Variants in AGBL4 observed in about 807,000 individuals in gnomAD.
AGBL4 encodes the protein AGBL carboxypeptidase 4, also known as cytosolic carboxypeptidase 6.
In AGBL4, 58 loss-of-function variants were observed where a neutral mutation model predicts 66.4. The observed-to-expected ratio is 0.87, with a 90% CI of 0.71 to 1.09. The LOEUF (loss-of-function observed/expected upper bound fraction) is 1.09. AGBL4 is among the 50% of genes least tolerant of loss of function. The pLI is 0.00. For synonymous variants in AGBL4, 234 were observed against 222.9 expected (o/e 1.05, Z -0.44); for missense variants, 579 against 631.0 (o/e 0.92, Z 0.88).
At chr1:49,482,739 C>T (rs534112252) in intron 3 of AGBL4, among the ~76,000 whole-genome samples, 1 of 151,952 alleles carries the variant, frequency 6.6e-6, no homozygotes, top group East Asian at 1.9e-4. Context: ...ATCTTCCTAG[C>T]TTTTTGATGT....
chr1:49,198,302 G>A, intron 4 of AGBL4, among the ~76,000 whole-genome samples: 1 of 151,874 alleles, frequency 6.6e-6, no homozygotes, highest in East Asian at 1.9e-4. Flanking sequence ...TTATTTCTTG[G>A]ATAAAAGTTC....
intron 5 of AGBL4, among the ~76,000 whole-genome samples, chr1:48,875,657 G>A (rs1002416850): frequency 1.3e-5 from 2 of 152,130 alleles, no homozygotes; most frequent in Admixed American, 6.6e-5. Context: ...TCTGGCGGCC[G>A]GCACAAAAGC....
At chr1:48,964,649 C>T (rs1658274120) in intron 5 of AGBL4, among the ~76,000 whole-genome samples, 1 of 152,108 alleles carries the variant, frequency 6.6e-6, no homozygotes, top group Non-Finnish European at 1.5e-5. Context: ...TAGAAAGCAG[C>T]AGAGTTTATC....
the AGBL4 span, among the ~76,000 whole-genome samples, chr1:48,523,152 G>C: frequency 1.3e-5 from 2 of 152,084 alleles, no homozygotes; most frequent in African/African-American, 4.8e-5. Context: ...GAGAGGGAGA[G>C]TGACTTTTCT....
At chr1:48,601,519 T>C (rs1349046100) in intron 9 of AGBL4, among the ~76,000 whole-genome samples, 1 of 152,224 alleles carries the variant, frequency 6.6e-6, no homozygotes, top group South Asian at 2.1e-4. Flanking sequence ...GCGAGTACTA[T>C]GGTAGCATAG....
At chr1:49,401,058 A>G (rs1466219269) in intron 3 of AGBL4, among the ~76,000 whole-genome samples, 1 of 152,142 alleles carries the variant, frequency 6.6e-6, no homozygotes, top group Non-Finnish European at 1.5e-5. Context: ...TCAGCATTGT[A>G]TTAGTCCATC....
chr1:48,714,317 C>T (rs941025478), intron 6 of AGBL4, among the ~76,000 whole-genome samples: 1 of 152,184 alleles, frequency 6.6e-6, no homozygotes, highest in Non-Finnish European at 1.5e-5. Flanking sequence ...AGTGCCACCC[C>T]AGGGAGGACA....
intron 6 of AGBL4, among the ~76,000 whole-genome samples, chr1:48,711,389 A>G (rs1330871010): frequency 6.6e-6 from 1 of 152,026 alleles, no homozygotes; most frequent in Non-Finnish European, 1.5e-5. Flanking sequence ...CATCTGTGTG[A>G]GTTTGTGGGT....
At chr1:49,414,276 T>G (rs1645380296) in intron 3 of AGBL4, among the ~76,000 whole-genome samples, 1 of 152,174 alleles carries the variant, frequency 6.6e-6, no homozygotes, top group Non-Finnish European at 1.5e-5. Flanking sequence ...TTACCAATTT[T>G]ATGGGTTGGT....
intron 5 of AGBL4, among the ~76,000 whole-genome samples, chr1:48,958,110 G>A (rs906309691): frequency 3.3e-5 from 5 of 151,880 alleles, no homozygotes; most frequent in South Asian, 2.1e-4. Flanking sequence ...CGCCTGCCTC[G>A]GCCTCCCAAA....
intron 3 of AGBL4, among the ~76,000 whole-genome samples, chr1:49,401,718 C>T (rs1007670235): frequency 7.2e-5 from 11 of 151,780 alleles, no homozygotes; most frequent in Non-Finnish European, 1.6e-4. Context: ...GGAATTATTC[C>T]CTCCTCTATT....
chr1:48,951,146 C>T (rs1348786054), intron 5 of AGBL4, among the ~76,000 whole-genome samples: 5 of 152,150 alleles, frequency 3.3e-5, no homozygotes, highest in Admixed American at 2.6e-4. Context: ...AGACTCAGCT[C>T]TCTTATATCT....
intron 4 of AGBL4, among the ~76,000 whole-genome samples, chr1:49,241,648 A>G (rs1651245910): frequency 6.6e-6 from 1 of 152,036 alleles, no homozygotes; most frequent in Non-Finnish European, 1.5e-5. Flanking sequence ...AATGCCTTGC[A>G]TAGTTCCTGG....
At chr1:49,931,795 C>A (rs1431555240) in intron 1 of AGBL4, among the ~76,000 whole-genome samples, 1 of 152,064 alleles carries the variant, frequency 6.6e-6, no homozygotes, top group African/African-American at 2.4e-5. Context: ...TAGTGAGGAC[C>A]TAGAAGAGCC....
chr1:48,820,776 T>C (rs1464894177), intron 6 of AGBL4, among the ~76,000 whole-genome samples: 2 of 152,080 alleles, frequency 1.3e-5, no homozygotes, highest in African/African-American at 4.8e-5. Flanking sequence ...AATGATAAAG[T>C]TTCTGCACAG....
chr1:49,682,296 C>G (rs1387117590), intron 3 of AGBL4, among the ~76,000 whole-genome samples: 1 of 152,022 alleles, frequency 6.6e-6, no homozygotes, highest in Non-Finnish European at 1.5e-5. Context: ...GTCCCAGGTA[C>G]AGGAGGCTGA....
chr1:49,881,036 C>A lies in AGBL4; in HGVS notation c.35-29518G>T, dbSNP rs578051588. Among the ~76,000 whole-genome samples the A allele has an allele frequency of 1.1e-4, 16 of 152,238 alleles. No individual in the cohort carries two copies. The South Asian group carries it at 2.5e-3, about 24-fold the overall frequency. On this transcript the variant is annotated intron_variant, in intron 1 of 13. Transcript: ENST00000371839. ...CTTAGGCTCGCGCACAGTGCGCGCA[C>A]CCACTGGCCTGCGCCCACTGTCTGG...
rs546616358 is a variant in AGBL4 at position 48,717,663 on chromosome 1, A to G, written c.635-54422T>C. ...TGAATCTTGAAATGGCTAGAATCCAACCAGTGGAAGAGAAACACTTCTCTT... is the reference window on the plus strand; with the variant it reads ...TGAATCTTGAAATGGCTAGAATCCAGCCAGTGGAAGAGAAACACTTCTCTT... On this transcript the variant is annotated intron_variant, in intron 6 of 13. Transcript: ENST00000371839. 1.2e-4 allele frequency among the ~76,000 whole-genome samples: 18 copies of G among 152,318 alleles called. 1 individual carries two copies. The East Asian group carries it at 3.5e-3, about 29-fold the overall frequency.
intron 5 of AGBL4, among the ~76,000 whole-genome samples, chr1:49,024,690 T>A (rs952968698): frequency 1.3e-5 from 2 of 152,164 alleles, no homozygotes; most frequent in Admixed American, 6.5e-5. Context: ...CTGGTTTAAT[T>A]TTTATATGAC....
Sources: allele counts gnomAD v4.1 joint callset (sites outside exome capture counted in the v4.1 genomes callset), GRCh38; gene constraint gnomAD v4.1.1; transcripts MANE v1.5; gene names NCBI Gene and HGNC (gene_info 2026-07-23, HGNC 2026-07-21).